Variants in KCNMA1 observed in about 807,000 individuals in gnomAD.
The protein encoded by KCNMA1 is potassium calcium-activated channel subfamily M alpha 1.
A neutral mutation model predicts 140.0 loss-of-function variants in KCNMA1; 29 were observed. That is an observed-to-expected ratio of 0.21 (90% confidence interval 0.15 to 0.28). KCNMA1 has a LOEUF of 0.28. KCNMA1 is among the 10% of genes least tolerant of loss of function. KCNMA1 has a pLI of 1.00. For synonymous variants in KCNMA1, 612 were observed against 611.9 expected (o/e 1.00, Z 0.00); for missense variants, 880 against 1,602.2 (o/e 0.55, Z 7.70).
At position 77,147,988 on chromosome 10, in the gene KCNMA1, A is replaced by T. The variant is rs572596647; in HGVS notation, c.809-26940T>A. On this transcript the variant is annotated intron_variant, in intron 5 of 27. Coordinates refer to ENST00000286628, the MANE Select transcript of KCNMA1 (RefSeq NM_001161352.2). Reference sequence around the variant, plus strand: ...CAGCACCTGCCACCACCAAGAAAAGACTGAGAAAGGGACACTTCAGGCACA... The same window carrying T: ...CAGCACCTGCCACCACCAAGAAAAGTCTGAGAAAGGGACACTTCAGGCACA... Among the ~76,000 whole-genome samples the T allele has an allele frequency of 2.0e-5, 3 of 152,224 alleles. No homozygotes were observed. The East Asian group carries it at 5.8e-4, about 29-fold the overall frequency.
intron 3 of KCNMA1, among the ~76,000 whole-genome samples, chr10:77,244,488 G>A (rs1168050062): frequency 3.3e-5 from 5 of 152,198 alleles, no homozygotes; most frequent in Non-Finnish European, 5.9e-5. Context: ...AAGCAAGGAA[G>A]ACAAGATTTC....
intron 1 of KCNMA1, among the ~76,000 whole-genome samples, chr10:77,468,600 TC>T (rs1261818304): frequency 2.6e-5 from 4 of 151,740 alleles, no homozygotes; most frequent in Admixed American, 6.6e-5. Flanking sequence ...AATGAGAGAG[TC>T]CTGGAACCGA....
chr10:76,884,376 G>A (rs1428056144), downstream of KCNMA1: 9 of 152,186 alleles, frequency 5.9e-5, no homozygotes, highest in African/African-American at 2.2e-4. Context: ...AATATTGACA[G>A]AGAAGCAAGT....
chr10:77,176,257 T>G (rs974375421), intron 5 of KCNMA1, among the ~76,000 whole-genome samples: 1 of 152,172 alleles, frequency 6.6e-6, no homozygotes, highest in East Asian at 1.9e-4. Flanking sequence ...TTGGTCTCAT[T>G]TGGGTTTCTC....
At chr10:76,920,008 GTGTGTGTGTGTGTATA>G (rs1302181617) in intron 23 of KCNMA1, among the ~76,000 whole-genome samples, 295 of 58,726 alleles carry the variant, frequency 5.0e-3, no homozygotes, top group African/African-American at 0.026. Context: ...GTGTGTGTGT[GTGTGTGTGTGTGTATA>G]TATATATATA....
intron 3 of KCNMA1, among the ~76,000 whole-genome samples, chr10:77,223,634 T>A (rs1177840591): frequency 6.6e-6 from 1 of 152,154 alleles, no homozygotes; most frequent in Admixed American, 6.5e-5. Flanking sequence ...GTTCATTTTC[T>A]CAAATGTGAG....
intron 2 of KCNMA1, among the ~76,000 whole-genome samples, chr10:77,354,813 A>G (rs1458955502): frequency 6.6e-6 from 1 of 152,228 alleles, no homozygotes; most frequent in Non-Finnish European, 1.5e-5. Context: ...TTGAGTTGTC[A>G]TAGACTGAGC....
intron 14 of KCNMA1, among the ~76,000 whole-genome samples, chr10:77,055,552 C>T (rs944253219): frequency 6.6e-6 from 1 of 151,648 alleles, no homozygotes; most frequent in Non-Finnish European, 1.5e-5. Flanking sequence ...GCCCCAACAC[C>T]AAGCCATCTA....
At position 76,941,018 on chromosome 10, in the gene KCNMA1, G is replaced by GAAGGAAGGAAGGAAGGAAGGAAGA. The variant is rs1554960623; in HGVS notation, c.2902+3754_2902+3755insTCTTCCTTCCTTCCTTCCTTCCTT. Reference sequence around the variant, plus strand: ...GAAAGAAAGGAAGGAAGGAAGGAAGGAAGAAAGAAAGAAAGAAAGAAAGAA... The same window carrying GAAGGAAGGAAGGAAGGAAGGAAGA: ...GAAAGAAAGGAAGGAAGGAAGGAAGGAAGGAAGGAAGGAAGGAAGGAAGAAAGAAAGAAAGAAAGAAAGAAAGAA... On this transcript the variant is annotated intron_variant, in intron 23 of 27. Coordinates refer to ENST00000286628, the MANE Select transcript of KCNMA1 (RefSeq NM_001161352.2). Among the ~76,000 whole-genome samples the GAAGGAAGGAAGGAAGGAAGGAAGA allele has an allele frequency of 5.8e-4, 22 of 38,252 alleles. 1 individual carries two copies. In the East Asian group the frequency reaches 0.015, roughly 26 times the overall value. The allele number at this position is 38,252 out of a possible 152,430, so 25.1% of individuals were successfully genotyped here.
intron 21 of KCNMA1, 103 bp from the exon 22 acceptor site, chr10:76,949,469 T>G: frequency 2.1e-6 from 2 of 949,344 alleles, no homozygotes. Flanking sequence ...AAATATTTGC[T>G]GAGAGCTTAC....
chr10:76,908,902 C>T (rs2048894193), intron 25 of KCNMA1, among the ~76,000 whole-genome samples: 1 of 152,218 alleles, frequency 6.6e-6, no homozygotes, highest in Non-Finnish European at 1.5e-5. Flanking sequence ...TAAATGCCTA[C>T]TTTTGCCTTT....
intron 5 of KCNMA1, among the ~76,000 whole-genome samples, chr10:77,139,728 A>G (rs1422997396): frequency 2.6e-5 from 4 of 152,224 alleles, no homozygotes; most frequent in Non-Finnish European, 5.9e-5. Context: ...ATGCCTAAAT[A>G]AAGCCAAATG....
At chr10:77,581,252 C>A (rs1354791677) in intron 1 of KCNMA1, among the ~76,000 whole-genome samples, 1 of 152,014 alleles carries the variant, frequency 6.6e-6, no homozygotes, top group Non-Finnish European at 1.5e-5. Context: ...TATTTGATTC[C>A]AGGCTGCTAA....
intron 3 of KCNMA1, among the ~76,000 whole-genome samples, chr10:77,189,617 A>C (rs2098921299): frequency 6.6e-6 from 1 of 152,100 alleles, no homozygotes; most frequent in Non-Finnish European, 1.5e-5. Context: ...AATAACACAC[A>C]CCCAAGATGA....
At chr10:77,507,124 T>C (rs1001826486) in intron 1 of KCNMA1, among the ~76,000 whole-genome samples, 1 of 152,218 alleles carries the variant, frequency 6.6e-6, no homozygotes, top group African/African-American at 2.4e-5. Flanking sequence ...TTCCATAGTC[T>C]ATAAAACATT....
At position 77,568,254 on chromosome 10, in the gene KCNMA1, T is replaced by C. The variant is rs535705027; in HGVS notation, c.378+69011A>G. Among the ~76,000 whole-genome samples the C allele has an allele frequency of 1.3e-3, 199 of 152,318 alleles. 2 individuals are homozygous for C. Among genetic ancestry groups the C allele is most frequent in the South Asian group, 6.0e-3 (29 of 4,820 alleles). On this transcript the variant is annotated intron_variant, in intron 1 of 27. Coordinates refer to ENST00000286628, the MANE Select transcript of KCNMA1 (RefSeq NM_001161352.2). ...TTTTATGAGGCCAGCATCATCCTGA[T>C]ACCAAAGCCTGGCAGAGACACAACA...
intron 1 of KCNMA1, among the ~76,000 whole-genome samples, chr10:77,461,171 C>G (rs574744475): frequency 5.9e-5 from 9 of 151,750 alleles, no homozygotes; most frequent in Non-Finnish European, 8.8e-5. Context: ...GCACTAAAAG[C>G]CCAGACTTTA....
At chr10:77,169,067 C>A (rs1464640516) in intron 5 of KCNMA1, among the ~76,000 whole-genome samples, 1 of 152,144 alleles carries the variant, frequency 6.6e-6, no homozygotes, top group East Asian at 1.9e-4. Flanking sequence ...AAAAACACAA[C>A]CACATCAGAA....
intron 3 of KCNMA1, among the ~76,000 whole-genome samples, chr10:77,197,117 G>A (rs1174041505): frequency 1.3e-5 from 2 of 152,108 alleles, no homozygotes; most frequent in African/African-American, 2.4e-5. Context: ...TAACAAATGC[G>A]ATATTTCTTC....
Sources: gnomAD v4.1 joint callset for allele counts (sites outside exome capture counted in the v4.1 genomes callset) on GRCh38, gnomAD v4.1.1 for gene constraint, MANE v1.5 for transcripts, NCBI Gene and HGNC (gene_info 2026-07-23, HGNC 2026-07-21) for gene names.